The following MAPK10 variants were observed in gnomAD, a reference collection of about 807,000 sequenced individuals.
The protein encoded by MAPK10 is mitogen-activated protein kinase 10.
Under a neutral mutation model 59.3 loss-of-function variants are expected in MAPK10, and 25 were observed. The ratio of observed to expected loss-of-function variants is 0.42; its 90% confidence interval spans 0.31 to 0.59. The LOEUF (loss-of-function observed/expected upper bound fraction) is 0.59, where lower values mean the gene tolerates loss of function less well. Ranked by LOEUF, MAPK10 falls within the 20% of genes least tolerant of loss-of-function variation. The probability of loss-of-function intolerance (pLI) is 0.15; values close to 1 mark genes in which losing one functional copy is unlikely to be tolerated. For synonymous variants in MAPK10, 190 were observed against 200.5 expected, an observed-to-expected ratio of 0.95 and a Z score of 0.44; for missense variants, 351 against 568.9, an observed-to-expected ratio of 0.62 and a Z score of 3.90.
rs532208466 is a variant in MAPK10, at chr4:86,066,609, A to G, written c.985+1164T>C. ...GTGAAACCCCATCTCTACTAAAAAT[A>G]CAAAAATTAGCTGGGCGTGGTGGCG... On this transcript the variant is annotated intron_variant, in intron 10 of 13. Transcript: ENST00000641462. Among the ~76,000 whole-genome samples the G allele has an allele frequency of 8.5e-5, 13 of 152,252 alleles. No homozygotes were observed. The Middle Eastern group carries it at 0.01, about 120-fold the overall frequency.
At chr4:86,552,502 AAAGGAAGGAAGGAAGGAAGG>A (rs771664348) in intron 1 of MAPK10, among the ~76,000 whole-genome samples, 283 of 32,972 alleles carry the variant, frequency 8.6e-3, no homozygotes, top group Middle Eastern at 0.018. Context: ...GGAGGGAAGG[AAAGGAAGGAAGGAAGGAAGG>A]AAGGAAGGAA....
At chr4:86,508,420 T>C (rs971849102) in intron 1 of MAPK10, among the ~76,000 whole-genome samples, 1 of 152,228 alleles carries the variant, frequency 6.6e-6, no homozygotes, top group African/African-American at 2.4e-5. Context: ...CCTGGGACTA[T>C]AAAAGTTATT....
At chr4:86,396,843 G>A (rs368084460) in intron 1 of MAPK10, among the ~76,000 whole-genome samples, 2 of 152,024 alleles carry the variant, frequency 1.3e-5, no homozygotes, top group Non-Finnish European at 2.9e-5. Context: ...TAAGCCCACC[G>A]TCAACACGGG....
At chr4:86,456,638 C>T (rs1007736651), upstream of MAPK10, among the ~76,000 whole-genome samples, 1 of 151,970 alleles carries the variant, frequency 6.6e-6, no homozygotes, top group African/African-American at 2.4e-5. Context: ...AGACCAATAA[C>T]AAACAGCAAT....
At position 86,012,128 on chromosome 4, in the gene MAPK10, C is replaced by T. The variant is rs551236187; in HGVS notation, c.*5100G>A. On this transcript the variant is annotated 3_prime_UTR_variant, in exon 14 of 14. Transcript: ENST00000641462. ...CCCAAAAGATGATCTTTTTTTTCTT[C>T]ATTGATTTTATACCTTAAAAAGAAA... is the stretch of plus-strand genomic sequence containing the variant. The T allele has an allele frequency of 8.6e-5, 13 of 151,886 alleles. No homozygotes were observed. Among genetic ancestry groups the T allele is most frequent in the Non-Finnish European group, 1.6e-4 (11 of 67,924 alleles). 9.4% of individuals were successfully genotyped at this position (151,886 alleles called of 1,614,324 possible).
intron 1 of MAPK10, among the ~76,000 whole-genome samples, chr4:86,426,252 T>C (rs1747264558): frequency 6.6e-6 from 1 of 152,238 alleles, no homozygotes; most frequent in Non-Finnish European, 1.5e-5. Flanking sequence ...TATTATAATC[T>C]TTAAGATGCT....
intron 2 of MAPK10, among the ~76,000 whole-genome samples, chr4:86,220,502 C>T (rs2148638369): frequency 6.6e-6 from 1 of 152,272 alleles, no homozygotes; most frequent in Middle Eastern, 3.4e-3. Context: ...ATAAGCAGCT[C>T]TTCCTTAAAT....
intron 1 of MAPK10, among the ~76,000 whole-genome samples, chr4:86,518,561 C>T (rs988804622): frequency 1.3e-5 from 2 of 151,402 alleles, no homozygotes. Context: ...TTTTCAAAAA[C>T]CAGCTTTTTG....
At chr4:86,494,958 G>A (rs1754763492) in intron 1 of MAPK10, among the ~76,000 whole-genome samples, 1 of 142,766 alleles carries the variant, frequency 7.0e-6, no homozygotes, top group Non-Finnish European at 1.5e-5. Context: ...ATCTTAAGGA[G>A]TTGGATAACC....
At chr4:86,214,644 A>G (rs2148617214) in intron 2 of MAPK10, among the ~76,000 whole-genome samples, 1 of 152,178 alleles carries the variant, frequency 6.6e-6, no homozygotes, top group Non-Finnish European at 1.5e-5. Flanking sequence ...AAAGGAAATT[A>G]TGAAAACATT....
chr4:86,249,524 G>A (rs535718119), intron 2 of MAPK10, among the ~76,000 whole-genome samples: 1 of 152,222 alleles, frequency 6.6e-6, no homozygotes, highest in South Asian at 2.1e-4. Context: ...TTTTGTCAAA[G>A]GAAGCTGGAA....
At chr4:86,586,702 A>G (rs1762675417) in intron 1 of MAPK10, among the ~76,000 whole-genome samples, 1 of 152,206 alleles carries the variant, frequency 6.6e-6, no homozygotes, top group Non-Finnish European at 1.5e-5. Flanking sequence ...GCCTTGAAGC[A>G]CCTGGAAAAT....
intron 8 of MAPK10, 46 bp downstream of exon 8, chr4:86,101,006 C>A (rs2055266165): frequency 7.0e-6 from 11 of 1,563,766 alleles, no homozygotes; most frequent in Non-Finnish European, 9.7e-6. Context: ...CAACGTGCAC[C>A]CGTTTCATTC....
At chr4:86,550,995 G>A (rs1172116278) in intron 1 of MAPK10, among the ~76,000 whole-genome samples, 1 of 152,208 alleles carries the variant, frequency 6.6e-6, no homozygotes, top group African/African-American at 2.4e-5. Context: ...GCTAAAGCTA[G>A]TCTAACTTCA....
chr4:86,193,702 G>A (rs2080512187), intron 3 of MAPK10: 1 of 153,062 alleles, frequency 6.5e-6, no homozygotes, highest in South Asian at 2.1e-4. Context: ...CCATGGGGGT[G>A]GGATCCCCTA....
chr4:86,507,552 C>T (rs1358981011), intron 1 of MAPK10, among the ~76,000 whole-genome samples: 2 of 135,724 alleles, frequency 1.5e-5, no homozygotes, highest in Non-Finnish European at 3.1e-5. Context: ...GCAAACAAGC[C>T]TACAAAGGAG....
chr4:86,446,759 G>A (rs1241296085), intron 1 of MAPK10, among the ~76,000 whole-genome samples: 1 of 152,070 alleles, frequency 6.6e-6, no homozygotes, highest in African/African-American at 2.4e-5. Flanking sequence ...AAATTTAGGG[G>A]TGTGAAATGC....
chr4:86,255,326 G>A (rs2093660243), intron 2 of MAPK10, among the ~76,000 whole-genome samples: 1 of 152,182 alleles, frequency 6.6e-6, no homozygotes. Context: ...TGAATAAAGA[G>A]CATGAACGGA....
At chr4:86,497,504 G>C (rs1164494908) in intron 1 of MAPK10, among the ~76,000 whole-genome samples, 1 of 152,184 alleles carries the variant, frequency 6.6e-6, no homozygotes, top group Non-Finnish European at 1.5e-5. Flanking sequence ...CATATAGAAG[G>C]TGCTGAGGTT....
Sources: gnomAD v4.1 joint callset for allele counts (sites outside exome capture counted in the v4.1 genomes callset) on GRCh38, gnomAD v4.1.1 for gene constraint, MANE v1.5 for transcripts, NCBI Gene and HGNC (gene_info 2026-07-23, HGNC 2026-07-21) for gene names.